Variants in WWTR1 observed in about 807,000 individuals in gnomAD.
WWTR1 encodes the protein WW domain-containing transcription regulator protein 1.
In WWTR1, 13 loss-of-function variants were observed where a neutral mutation model predicts 40.1. That is an observed-to-expected ratio of 0.32 (90% CI 0.21 to 0.52). WWTR1 has a LOEUF of 0.52. Ranked by LOEUF, WWTR1 falls within the 20% of genes least tolerant of loss-of-function variation. WWTR1 has a pLI of 0.97. For synonymous variants in WWTR1, 230 were observed against 210.1 expected (o/e 1.09, Z -0.82); for missense variants, 436 against 523.1 (o/e 0.83, Z 1.63).
intron 5 of WWTR1, among the ~76,000 whole-genome samples, chr3:149,716,169 G>A (rs1007910072): frequency 1.3e-5 from 2 of 152,082 alleles, no homozygotes; most frequent in Admixed American, 6.5e-5. Flanking sequence ...GATCACTTGA[G>A]GGCAGGAGTT....
At chr3:149,569,098 T>A (rs1008860576) in intron 3 of WWTR1, among the ~76,000 whole-genome samples, 11 of 152,132 alleles carry the variant, frequency 7.2e-5, no homozygotes, top group African/African-American at 1.9e-4. Context: ...AGGTGTCTAG[T>A]GATAAGAAGT....
At chr3:149,629,961 C>G (rs1711506918) in intron 2 of WWTR1, among the ~76,000 whole-genome samples, 1 of 152,132 alleles carries the variant, frequency 6.6e-6, no homozygotes, top group South Asian at 2.1e-4. Flanking sequence ...ATCCTCCCAC[C>G]TCAGCCTCCC....
intron 2 of WWTR1, among the ~76,000 whole-genome samples, chr3:149,613,818 TTAG>T (rs1430288156): frequency 3.9e-5 from 6 of 152,232 alleles, no homozygotes; most frequent in African/African-American, 1.4e-4. Flanking sequence ...AGTGCTGGTA[TTAG>T]TGGTGTGAGC....
intron 2 of WWTR1, among the ~76,000 whole-genome samples, chr3:149,623,546 G>GCAAT (rs1560090331): frequency 6.6e-6 from 1 of 152,148 alleles, no homozygotes; most frequent in Non-Finnish European, 1.5e-5. Flanking sequence ...ATTTAAGTTT[G>GCAAT]CAATATATGT....
intron 2 of WWTR1, among the ~76,000 whole-genome samples, chr3:149,596,041 A>C (rs1396976922): frequency 6.6e-6 from 1 of 152,152 alleles, no homozygotes; most frequent in East Asian, 1.9e-4. Context: ...ATCTCTCAAA[A>C]AAAAACAAAA....
intron 2 of WWTR1, among the ~76,000 whole-genome samples, chr3:149,605,004 A>G (rs78262190): frequency 0.012 from 1,873 of 152,324 alleles, 44 homozygotes; most frequent in African/African-American, 0.042. Context: ...AAGCCTGTGC[A>G]CTGAAGGAGG....
At chr3:149,527,240 C>T (rs920647791) in intron 5 of WWTR1, among the ~76,000 whole-genome samples, 44 of 151,586 alleles carry the variant, frequency 2.9e-4, no homozygotes, top group Admixed American at 6.6e-5. Flanking sequence ...CTGCAACCTC[C>T]GCCTCCCAGG....
intron 2 of WWTR1, among the ~76,000 whole-genome samples, chr3:149,586,099 A>G (rs765153298): frequency 1.5e-3 from 222 of 152,350 alleles, no homozygotes; most frequent in Non-Finnish European, 1.1e-3. Flanking sequence ...ACCTGTTTCA[A>G]TTATGACTTC....
chr3:149,700,313 A>C (rs901142448), intron 1 of WWTR1, among the ~76,000 whole-genome samples: 5 of 152,174 alleles, frequency 3.3e-5, no homozygotes, highest in African/African-American at 9.7e-5. Context: ...AATTAAAGAA[A>C]AAAAATTAAT....
At chr3:149,597,238 CAAT>C (rs1739037655) in intron 2 of WWTR1, among the ~76,000 whole-genome samples, 1 of 152,020 alleles carries the variant, frequency 6.6e-6, no homozygotes, top group Non-Finnish European at 1.5e-5. Context: ...ATGCTGACAA[CAAT>C]GACTTTACTA....
rs1217598530 is a variant in WWTR1, at chr3:149,622,450, A to AAAGGAAGGAAGG, written c.431+34414_431+34425dup. Among the ~76,000 whole-genome samples, 413 of 98,568 alleles carry AAAGGAAGGAAGG rather than the reference A, an allele frequency of 4.2e-3. 11 individuals are homozygous for AAAGGAAGGAAGG. Among genetic ancestry groups the AAAGGAAGGAAGG allele is most frequent in the Middle Eastern group, 9.1e-3 (2 of 220 alleles). 64.7% of individuals were successfully genotyped at this position (98,568 alleles called of 152,430 possible). On this transcript the variant is annotated intron_variant, in intron 2 of 6. Coordinates refer to ENST00000360632, the MANE Select transcript of WWTR1 (RefSeq NM_015472.6). ...AAACCATATTTTCCCAGAAAGAAAG[A>AAAGGAAGGAAGG]AAGGAAGGAAGGAAGGAAGGAAGGA...
chr3:149,700,763 C>G (rs1038532908), intron 1 of WWTR1, among the ~76,000 whole-genome samples: 1 of 152,154 alleles, frequency 6.6e-6, no homozygotes, highest in Non-Finnish European at 1.5e-5. Flanking sequence ...AAGAGTCTAA[C>G]TTTAGCATCC....
chr3:149,683,567 G>T (rs139479533), intron 1 of WWTR1, among the ~76,000 whole-genome samples: 1 of 152,102 alleles, frequency 6.6e-6, no homozygotes. Flanking sequence ...GGTGGCATGC[G>T]CCTGTAATCC....
chr3:149,700,999 G>A (rs1715151766), intron 1 of WWTR1, among the ~76,000 whole-genome samples: 1 of 152,180 alleles, frequency 6.6e-6, no homozygotes, highest in Non-Finnish European at 1.5e-5. Flanking sequence ...ACAGCCCAAG[G>A]TGCCATTGCA....
rs183044852 is a variant in WWTR1, at chr3:149,612,396, C to T, written c.432-39396G>A. 9.2e-5 allele frequency among the ~76,000 whole-genome samples: 14 copies of T among 151,878 alleles called. No homozygotes were observed. In the East Asian group the frequency reaches 2.7e-3, roughly 29 times the overall value. ...GAAAAGAAAAAAAAAAAAACTCCACCTACCAGTATATACTTTGGCAGTTGG... is the reference window on the plus strand; with the variant it reads ...GAAAAGAAAAAAAAAAAAACTCCACTTACCAGTATATACTTTGGCAGTTGG... On this transcript the variant is annotated intron_variant, in intron 2 of 6. Coordinates refer to ENST00000360632, the MANE Select transcript of WWTR1 (RefSeq NM_015472.6).
chr3:149,529,034 A>G (rs1735456228), intron 4 of WWTR1, among the ~76,000 whole-genome samples: 1 of 152,256 alleles, frequency 6.6e-6, no homozygotes, highest in Non-Finnish European at 1.5e-5. Context: ...GAGTCTCTCC[A>G]TCTTGACAAA....
chr3:149,640,010 A>AAAAAAAG (rs1553802828), intron 2 of WWTR1, among the ~76,000 whole-genome samples: 1 of 140,346 alleles, frequency 7.1e-6, no homozygotes. Flanking sequence ...AAAAAAAAAA[A>AAAAAAAG]AAAGAAAGAA....
chr3:149,581,185 T>A (rs755236990), intron 2 of WWTR1, among the ~76,000 whole-genome samples: 2 of 152,210 alleles, frequency 1.3e-5, no homozygotes. Context: ...TATTATTGGT[T>A]ATAATGATTC....
At chr3:149,583,218 G>T (rs773405412) in intron 2 of WWTR1, among the ~76,000 whole-genome samples, 1 of 152,090 alleles carries the variant, frequency 6.6e-6, no homozygotes, top group African/African-American at 2.4e-5. Flanking sequence ...CACCCGCTTC[G>T]GCCTCCCAAA....
Sources: allele counts gnomAD v4.1 joint callset (sites outside exome capture counted in the v4.1 genomes callset), GRCh38; gene constraint gnomAD v4.1.1; transcripts MANE v1.5; gene names NCBI Gene and HGNC (gene_info 2026-07-23, HGNC 2026-07-21).